The following SLC5A4 variants were observed in gnomAD, a reference collection of about 807,000 sequenced individuals.
The protein encoded by SLC5A4 is probable glucose sensor protein SLC5A4.
SLC5A4 carries 55 observed loss-of-function variants against 70.3 expected under a neutral mutation model. The observed-to-expected ratio is 0.78, with a 90% CI of 0.63 to 0.98. The LOEUF is 0.98. Among genes scored for constraint, SLC5A4 ranks in the 50% least tolerant of loss-of-function variants. The pLI is 0.00. For synonymous variants in SLC5A4, 268 were observed against 305.7 expected (o/e 0.88, Z 1.29); for missense variants, 735 against 839.2 (o/e 0.88, Z 1.53).
chr22:32,228,559 A>G (rs1925547391), intron 11 of SLC5A4, among the ~76,000 whole-genome samples: 1 of 150,690 alleles, frequency 6.6e-6, no homozygotes, highest in Non-Finnish European at 1.5e-5. Flanking sequence ...AAAAAATGCT[A>G]TGACAATATA....
chr22:32,327,750 G>A, the SLC5A4 span, among the ~76,000 whole-genome samples: 5 of 81,538 alleles, frequency 6.1e-5, no homozygotes, highest in African/African-American at 2.0e-4. Flanking sequence ...TTGGGACACA[G>A]TTGGGAGTGT....
the SLC5A4 span, among the ~76,000 whole-genome samples, chr22:32,320,762 A>C: frequency 3.3e-5 from 5 of 152,214 alleles, no homozygotes; most frequent in African/African-American, 1.2e-4. Context: ...CCTAGATAAC[A>C]AAATTCGTAA....
the SLC5A4 span, among the ~76,000 whole-genome samples, chr22:32,273,895 A>AC: frequency 2.4e-3 from 368 of 152,342 alleles, no homozygotes; most frequent in Non-Finnish European, 4.4e-3. Context: ...AAAGATTTAG[A>AC]TTTCAGAAAA....
the SLC5A4 span, among the ~76,000 whole-genome samples, chr22:32,317,300 T>C: frequency 1.3e-5 from 2 of 152,032 alleles, no homozygotes; most frequent in Non-Finnish European, 1.5e-5. Context: ...AAAACACTGA[T>C]CTTATTAATA....
At chr22:32,233,519 G>A (rs1038561708) in intron 8 of SLC5A4, among the ~76,000 whole-genome samples, 4 of 152,120 alleles carry the variant, frequency 2.6e-5, no homozygotes, top group African/African-American at 9.7e-5. Context: ...ACCGGAGTAG[G>A]GCAAAAATGA....
chr22:32,247,500 C>A lies in SLC5A4; in HGVS notation c.388G>T (p.Glu130Ter), dbSNP rs1926897288. The A allele has an allele frequency of 1.2e-6, 2 of 1,612,382 alleles. No homozygotes were observed. Among genetic ancestry groups the A allele is most frequent in the African/African-American group, 2.7e-5 (2 of 74,910 alleles). The change falls in exon 5 of 15, where the codon GAA (glutamate) becomes TAA (stop). Residue 130 changes from glutamate to a stop codon, truncating the protein, a stop_gained. Coordinates refer to ENST00000266086, the MANE Select transcript of SLC5A4 (RefSeq NM_014227.3). LOFTEE classifies it high-confidence loss of function. ...CCACCAAACCGCTTCTTGAGATATT[C>A]CGGCATGGTCATCACCTGCAGAGAC... ...YIKSGVMTMP[E>*]YLKKRFGGER... is the part of the protein sequence containing the mutation.
chr22:32,292,189 TAC>T, the SLC5A4 span, among the ~76,000 whole-genome samples: 8 of 45,032 alleles, frequency 1.8e-4, no homozygotes, highest in East Asian at 3.2e-3. Context: ...TTATATATAA[TAC>T]ATACTAGATA....
the SLC5A4 span, among the ~76,000 whole-genome samples, chr22:32,353,909 G>C: frequency 1.3e-5 from 2 of 150,742 alleles, no homozygotes; most frequent in South Asian, 4.2e-4. Context: ...ACCCCGGATA[G>C]TGCCCCAACC....
chr22:32,330,310 G>A, the SLC5A4 span, among the ~76,000 whole-genome samples: 5 of 38,842 alleles, frequency 1.3e-4, no homozygotes, highest in African/African-American at 5.0e-4. Context: ...TCTGTTGGGG[G>A]CTCTGGTGTG....
At chr22:32,353,989 C>G in the SLC5A4 span, among the ~76,000 whole-genome samples, 1 of 151,836 alleles carries the variant, frequency 6.6e-6, no homozygotes, top group African/African-American at 2.4e-5. Flanking sequence ...AGTACAGCCA[C>G]AGATAGCGCA....
chr22:32,301,949 G>T, the SLC5A4 span, among the ~76,000 whole-genome samples: 2 of 151,724 alleles, frequency 1.3e-5, no homozygotes, highest in African/African-American at 4.8e-5. Context: ...AAAGAATGAA[G>T]TTGGACCTCT....
At chr22:32,308,167 G>A in the SLC5A4 span, among the ~76,000 whole-genome samples, 4 of 152,138 alleles carry the variant, frequency 2.6e-5, no homozygotes, top group East Asian at 1.9e-4. Flanking sequence ...CTGGGTTCAC[G>A]TTATGTTAAT....
rs1040336998 is a variant in SLC5A4, at chr22:32,228,285, A to C, written c.1280+909T>G. On this transcript the variant is annotated intron_variant, in intron 11 of 14. Coordinates refer to ENST00000266086, the MANE Select transcript of SLC5A4 (RefSeq NM_014227.3). ...CAGGCCGGCGGTGGCTCACACCTGT[A>C]GTCCCAGCACTTTGGGAGGCCGAGG... is the stretch of plus-strand genomic sequence containing the variant. Among the ~76,000 whole-genome samples, 16 of 152,284 alleles carry C rather than the reference A, an allele frequency of 1.1e-4. No homozygotes were observed. The East Asian group carries it at 2.3e-3, about 22-fold the overall frequency.
At chr22:32,254,911 C>T (rs981376804) in intron 1 of SLC5A4, among the ~76,000 whole-genome samples, 6 of 152,110 alleles carry the variant, frequency 3.9e-5, no homozygotes, top group East Asian at 3.9e-4. Flanking sequence ...CAAAAGAAAG[C>T]GAAAGAAATG....
the SLC5A4 span, among the ~76,000 whole-genome samples, chr22:32,276,158 G>T: frequency 6.0e-3 from 912 of 152,218 alleles, 19 homozygotes; most frequent in East Asian, 5.6e-3. Flanking sequence ...CCTTTCAAAA[G>T]CCATACATTA....
chr22:32,282,363 C>T, the SLC5A4 span, among the ~76,000 whole-genome samples: 1 of 152,112 alleles, frequency 6.6e-6, no homozygotes, highest in Admixed American at 6.6e-5. Flanking sequence ...GCTAGTCTCT[C>T]TCTCCTTGCT....
the SLC5A4 span, among the ~76,000 whole-genome samples, chr22:32,344,246 G>C: frequency 3.9e-5 from 6 of 152,152 alleles, no homozygotes; most frequent in Admixed American, 1.3e-4. Flanking sequence ...AGCCACATTT[G>C]CCTCAGTTCA....
the SLC5A4 span, among the ~76,000 whole-genome samples, chr22:32,352,382 C>T: frequency 6.6e-6 from 1 of 150,820 alleles, no homozygotes; most frequent in East Asian, 1.9e-4. Flanking sequence ...CAAACATGCA[C>T]GTTGTGCTCA....
Position 32,224,469 on chromosome 22 carries a change from C to T in SLC5A4, c.1463G>A (p.Gly488Asp). The T allele has an allele frequency of 4.3e-6, 7 of 1,612,892 alleles. No individual in the cohort carries two copies. Among genetic ancestry groups the T allele is most frequent in the Non-Finnish European group, 5.9e-6 (7 of 1,178,998 alleles). ...GCCCATTGCAAGTCCAACCATTAGACCCCAGAATGCTCCCTGCAAAAGAAG... is the reference window on the plus strand; with the variant it reads ...GCCCATTGCAAGTCCAACCATTAGATCCCAGAATGCTCCCTGCAAAAGAAG... Reference protein sequence around the residue: ...KRVNEQGAFWGLMVGLAMGLI... With the variant: ...KRVNEQGAFWDLMVGLAMGLI... The change falls in exon 13 of 15, where the codon GGT becomes GAT. Residue 488 changes from glycine (G) to aspartate (D), a missense_variant. Gly to Asp is a moderately conservative substitution (Grantham distance 94). Coordinates refer to ENST00000266086, the MANE Select transcript of SLC5A4 (RefSeq NM_014227.3).
Sources: gnomAD v4.1 joint callset for allele counts (sites outside exome capture counted in the v4.1 genomes callset) on GRCh38, gnomAD v4.1.1 for gene constraint, MANE v1.5 for transcripts, NCBI Gene and HGNC (gene_info 2026-07-23, HGNC 2026-07-21) for gene names.